Variants in TXLNG observed in about 807,000 individuals in gnomAD.
The protein encoded by TXLNG is gamma-taxilin.
A neutral mutation model predicts 38.8 loss-of-function variants in TXLNG; 5 were observed. The observed-to-expected ratio is 0.13, with a 90% confidence interval of 0.07 to 0.27. The LOEUF (loss-of-function observed/expected upper bound fraction) is 0.27, where lower values mean the gene tolerates loss of function less well. TXLNG is among the 10% of genes least tolerant of loss of function. The pLI, the probability that TXLNG is intolerant of heterozygous loss-of-function variation, is 1.00. For missense variants in TXLNG, 393 were observed against 398.2 expected (o/e 0.99, Z 0.11); for synonymous variants, 182 against 158.2 (o/e 1.15, Z -1.13).
intron 8 of TXLNG, chrX:16,839,528 G>T: frequency 6.0e-6 from 1 of 166,246 alleles, no homozygotes; most frequent in Non-Finnish European, 1.1e-5. Context: ...TTCAGAGTGT[G>T]GTGGCTGACA....
In TXLNG at chrX:16,828,283, C is replaced by CT; in HGVS notation, c.669+20dup. On this transcript the variant is annotated intron_variant, in intron 4 of 9. Coordinates refer to ENST00000380122, the MANE Select transcript of TXLNG (RefSeq NM_018360.3). ...GTTAAAGGTTAGTTGCTTCATTTGT[C>CT]TGTTTTTTTCAGGAGGGACTTATCT... 1 of 1,175,791 alleles carries CT rather than the reference C, an allele frequency of 8.5e-7. No homozygotes were observed. The highest frequency in any genetic ancestry group is 1.1e-6 in the Non-Finnish European group (1 of 873,661).
chrX:16,827,034 G>A (rs1929193725), intron 3 of TXLNG, among the ~76,000 whole-genome samples: 1 of 108,435 alleles, frequency 9.2e-6, no homozygotes, highest in Non-Finnish European at 1.9e-5. Flanking sequence ...TTTGAGACCA[G>A]TCTGGCCAAC....
At chrX:16,839,987 G>A in intron 9 of TXLNG, 71 bp downstream of exon 9, 4 of 821,416 alleles carry the variant, frequency 4.9e-6, no homozygotes, top group Non-Finnish European at 5.2e-6. Flanking sequence ...TACCTATCGG[G>A]GCCGGGGACG....
intron 5 of TXLNG, among the ~76,000 whole-genome samples, chrX:16,830,875 G>T (rs1035895019): frequency 1.0e-5 from 1 of 96,773 alleles, no homozygotes; most frequent in Non-Finnish European, 2.1e-5. Context: ...GTGTGTGTGT[G>T]TGTGTGTGTG....
At chrX:16,794,694 G>A (rs1927820707) in intron 1 of TXLNG, among the ~76,000 whole-genome samples, 1 of 111,357 alleles carries the variant, frequency 9.0e-6, no homozygotes, top group Non-Finnish European at 1.9e-5. Context: ...TTGGGACAGG[G>A]ATGTTCACTT....
rs1464829499 is a variant in TXLNG, at chrX:16,842,490, C to T, written c.*724C>T. The T allele has an allele frequency of 9.0e-6, 1 of 111,434 alleles. No homozygotes were observed. Among genetic ancestry groups the T allele is most frequent in the Non-Finnish European group, 1.9e-5 (1 of 53,102 alleles). 9.2% of individuals were successfully genotyped at this position (111,434 alleles called of 1,213,427 possible). A position where few individuals can be genotyped will look rare whatever the true frequency, so the allele number is the denominator to read the frequency against. On this transcript the variant is annotated 3_prime_UTR_variant, in exon 10 of 10. Coordinates refer to ENST00000380122, the MANE Select transcript of TXLNG (RefSeq NM_018360.3). ...GTGGGATTTGGACCATGAGGGGCTC[C>T]CGTAGAGGATGGCGGTTTGTGTTTG...
chrX:16,812,839 T>G (rs1378124229), intron 1 of TXLNG, among the ~76,000 whole-genome samples: 1 of 107,608 alleles, frequency 9.3e-6, no homozygotes, highest in Non-Finnish European at 1.9e-5. Flanking sequence ...GTAGCTAGGA[T>G]TACAGGCTTG....
intron 3 of TXLNG, among the ~76,000 whole-genome samples, chrX:16,826,436 G>T (rs1241205990): frequency 9.0e-6 from 1 of 111,571 alleles, no homozygotes; most frequent in African/African-American, 3.3e-5. Flanking sequence ...TTTATTGAAA[G>T]GTCAGTAAGG....
At chrX:16,792,110 T>C (rs1305354128) in intron 1 of TXLNG, among the ~76,000 whole-genome samples, 1 of 112,069 alleles carries the variant, frequency 8.9e-6, no homozygotes, top group Non-Finnish European at 1.9e-5. Flanking sequence ...TCAAATTTCA[T>C]TTGTGTTTCA....
intron 1 of TXLNG, among the ~76,000 whole-genome samples, chrX:16,817,851 A>C (rs1928801688): frequency 8.9e-6 from 1 of 112,167 alleles, no homozygotes; most frequent in African/African-American, 3.2e-5. Context: ...CCTATAGTCC[A>C]GTGTAGGTTT....
At chrX:16,806,916 CAAAAAAA>C (rs1182577038) in intron 1 of TXLNG, among the ~76,000 whole-genome samples, 6 of 38,901 alleles carry the variant, frequency 1.5e-4, no homozygotes, top group Non-Finnish European at 1.9e-4. Flanking sequence ...GACTCTGTCT[CAAAAAAA>C]AAAAAAAAAA....
intron 1 of TXLNG, among the ~76,000 whole-genome samples, chrX:16,809,328 AATG>A (rs1021523954): frequency 3.1e-5 from 3 of 98,326 alleles, no homozygotes; most frequent in Admixed American, 1.1e-4. Flanking sequence ...TGATGTGTAA[AATG>A]ATATCTTATA....
intron 1 of TXLNG, among the ~76,000 whole-genome samples, chrX:16,814,569 C>T (rs748553834): frequency 8.9e-6 from 1 of 111,735 alleles, no homozygotes. Context: ...GAGCGGAGAC[C>T]GTGCCATTGC....
intron 1 of TXLNG, among the ~76,000 whole-genome samples, chrX:16,813,095 T>TC (rs1928595068): frequency 9.0e-6 from 1 of 111,079 alleles, no homozygotes; most frequent in Admixed American, 9.7e-5. Flanking sequence ...ACTCTTACAG[T>TC]CCAACGATAA....
At chrX:16,817,536 A>G (rs543306871) in intron 1 of TXLNG, among the ~76,000 whole-genome samples, 304 of 112,147 alleles carry the variant, frequency 2.7e-3, no homozygotes, top group African/African-American at 9.0e-3. Flanking sequence ...TCCATTTGTG[A>G]TAAGAGAAGG....
rs1281735673 is a variant in TXLNG at position 16,816,156 on chromosome X, C to G, written c.103-2418C>G. On this transcript the variant is annotated intron_variant, in intron 1 of 9. Coordinates refer to ENST00000380122, the MANE Select transcript of TXLNG (RefSeq NM_018360.3). ...ATATCGGCTCAGTACAACCTCTGCCCAGCTAATTTTTGTATTTTTAGTAGA... is the reference window on the plus strand; with the variant it reads ...ATATCGGCTCAGTACAACCTCTGCCGAGCTAATTTTTGTATTTTTAGTAGA... Among the ~76,000 whole-genome samples the G allele has an allele frequency of 3.7e-5, 4 of 108,641 alleles. No individual in the cohort carries two copies. In the Admixed American group the frequency reaches 4.0e-4, roughly 11 times the overall value. The allele number at this position is 108,641 out of a possible 115,157, so 94.3% of individuals were successfully genotyped here. A position where few individuals can be genotyped will look rare whatever the true frequency, so the allele number is the denominator to read the frequency against.
intron 2 of TXLNG, among the ~76,000 whole-genome samples, chrX:16,819,109 A>C (rs766726631): frequency 1.8e-5 from 2 of 110,116 alleles, no homozygotes; most frequent in South Asian, 7.8e-4. Flanking sequence ...GCTAATTAAA[A>C]AATTTTTTTT....
At chrX:16,841,016 G>T (rs760034940) in intron 9 of TXLNG, among the ~76,000 whole-genome samples, 140 of 110,791 alleles carry the variant, frequency 1.3e-3, no homozygotes, top group Non-Finnish European at 2.3e-3. Context: ...CCAACATGGT[G>T]AAACTCCATC....
chrX:16,831,017 C>T (rs1929394389), intron 5 of TXLNG, among the ~76,000 whole-genome samples: 1 of 110,464 alleles, frequency 9.1e-6, no homozygotes, highest in South Asian at 3.8e-4. Context: ...ATAATTTCAT[C>T]TCTGTTCCCC....
Sources: gnomAD v4.1 joint callset for allele counts (sites outside exome capture counted in the v4.1 genomes callset) on GRCh38, gnomAD v4.1.1 for gene constraint, MANE v1.5 for transcripts, NCBI Gene and HGNC (gene_info 2026-07-23, HGNC 2026-07-21) for gene names.